The following PPM1H variants were observed in gnomAD, a reference collection of about 807,000 sequenced individuals.
The protein encoded by PPM1H is protein phosphatase, Mg2+/Mn2+ dependent 1H, also known as protein phosphatase 1H.
Under a neutral mutation model 54.9 loss-of-function variants are expected in PPM1H, and 27 were observed. That is an observed-to-expected ratio of 0.49 (90% confidence interval 0.36 to 0.68). PPM1H has a LOEUF of 0.68. Among genes scored for constraint, PPM1H ranks in the 30% least tolerant of loss-of-function variants. The pLI, the probability that PPM1H is intolerant of heterozygous loss-of-function variation, is 0.00. For synonymous variants in PPM1H, 305 were observed against 270.8 expected, an observed-to-expected ratio of 1.13 and a Z score of -1.24; for missense variants, 596 against 667.8, an observed-to-expected ratio of 0.89 and a Z score of 1.19.
At chr12:62,675,551 C>T (rs2075980712) in intron 8 of PPM1H, among the ~76,000 whole-genome samples, 1 of 152,296 alleles carries the variant, frequency 6.6e-6, no homozygotes, top group Non-Finnish European at 1.5e-5. Flanking sequence ...AACAGATGAA[C>T]CAAGTTGCCT....
At chr12:62,688,674 TC>T (rs1374093652) in intron 8 of PPM1H, among the ~76,000 whole-genome samples, 3 of 152,100 alleles carry the variant, frequency 2.0e-5, no homozygotes, top group Admixed American at 6.5e-5. Flanking sequence ...AGGTAATTAG[TC>T]TAACGAGGGG....
intron 1 of PPM1H, among the ~76,000 whole-genome samples, chr12:62,850,285 G>C (rs1804548281): frequency 6.6e-6 from 1 of 151,956 alleles, no homozygotes; most frequent in Non-Finnish European, 1.5e-5. Context: ...TTTTAAGTTA[G>C]CTTCAAATTC....
chr12:62,761,304 G>A (rs544334892), intron 4 of PPM1H, among the ~76,000 whole-genome samples: 1 of 152,312 alleles, frequency 6.6e-6, no homozygotes, highest in Admixed American at 6.5e-5. Context: ...TATTTGAGGA[G>A]GAAGGGGAAA....
At chr12:62,832,969 T>C (rs1471345631) in intron 1 of PPM1H, among the ~76,000 whole-genome samples, 1 of 152,218 alleles carries the variant, frequency 6.6e-6, no homozygotes, top group Non-Finnish European at 1.5e-5. Flanking sequence ...AATTACTACA[T>C]GTTTTAAGCA....
At chr12:62,723,805 G>A (rs1475153301) in intron 5 of PPM1H, among the ~76,000 whole-genome samples, 2 of 152,070 alleles carry the variant, frequency 1.3e-5, no homozygotes, top group Admixed American at 6.6e-5. Context: ...GAATCCAAAC[G>A]ACATTCCTGA....
chr12:62,717,425 T>A (rs2076241201), intron 6 of PPM1H, among the ~76,000 whole-genome samples: 1 of 152,010 alleles, frequency 6.6e-6, no homozygotes, highest in Admixed American at 6.6e-5. Context: ...TTGTGGACTG[T>A]TTATCTGCTT....
chr12:62,758,679 G>C (rs1360657272), intron 4 of PPM1H, among the ~76,000 whole-genome samples: 2 of 152,020 alleles, frequency 1.3e-5, no homozygotes, highest in East Asian at 3.9e-4. Flanking sequence ...GGAAAAAAAA[G>C]GAGCATCTAA....
At chr12:62,695,750 A>G (rs1349587935) in intron 6 of PPM1H, among the ~76,000 whole-genome samples, 1 of 152,170 alleles carries the variant, frequency 6.6e-6, no homozygotes, top group Non-Finnish European at 1.5e-5. Flanking sequence ...TCAATTAACT[A>G]CCATTCAAAA....
At chr12:62,685,688 A>G (rs1007487132) in intron 8 of PPM1H, among the ~76,000 whole-genome samples, 5 of 152,330 alleles carry the variant, frequency 3.3e-5, no homozygotes, top group Admixed American at 2.0e-4. Flanking sequence ...AACAGGAGGA[A>G]TAAGTTTTAG....
At chr12:62,874,904 G>A (rs149468866) in intron 1 of PPM1H, among the ~76,000 whole-genome samples, 1 of 152,136 alleles carries the variant, frequency 6.6e-6, no homozygotes, top group Non-Finnish European at 1.5e-5. Context: ...TCACCCTTGG[G>A]TTTCTATAAC....
At chr12:62,928,982 C>T (rs1872052734) in intron 1 of PPM1H, among the ~76,000 whole-genome samples, 2 of 152,126 alleles carry the variant, frequency 1.3e-5, no homozygotes, top group Admixed American at 1.3e-4. Context: ...GGTCTTGGGC[C>T]TTCAGGTACA....
At chr12:62,851,218 G>C (rs1213376750) in intron 1 of PPM1H, among the ~76,000 whole-genome samples, 1 of 152,148 alleles carries the variant, frequency 6.6e-6, no homozygotes, top group East Asian at 1.9e-4. Flanking sequence ...GTGAGGCAGA[G>C]GCAGCTTGTA....
intron 1 of PPM1H, among the ~76,000 whole-genome samples, chr12:62,932,628 C>CTTTTTGTTTTTTTTTTTTT: frequency 1.9e-5 from 1 of 54,012 alleles, no homozygotes; most frequent in Non-Finnish European, 3.2e-5. Context: ...TCCAAATGGG[C>CTTTTTGTTTTTTTTTTTTT]TTTTTTTTTT....
chr12:62,920,485 GTT>G (rs35100515), intron 1 of PPM1H, among the ~76,000 whole-genome samples: 2 of 136,648 alleles, frequency 1.5e-5, no homozygotes, highest in East Asian at 4.3e-4. Context: ...CCTGAATGAG[GTT>G]TTTTTTTTTT....
intron 2 of PPM1H, among the ~76,000 whole-genome samples, chr12:62,811,376 G>A (rs73130081): frequency 0.066 from 9,979 of 152,254 alleles, 441 homozygotes; most frequent in Middle Eastern, 0.12. Context: ...AGCCTGGAGG[G>A]ACACTGAGCA....
intron 6 of PPM1H, among the ~76,000 whole-genome samples, chr12:62,711,541 C>T (rs2076206782): frequency 6.6e-6 from 1 of 152,110 alleles, no homozygotes; most frequent in Non-Finnish European, 1.5e-5. Context: ...CTTGACATCC[C>T]CAAACTTCCC....
At chr12:62,791,407 A>G (rs921189793) in intron 3 of PPM1H, among the ~76,000 whole-genome samples, 1 of 152,114 alleles carries the variant, frequency 6.6e-6, no homozygotes, top group Non-Finnish European at 1.5e-5. Flanking sequence ...AAACCCTACT[A>G]AGGGGTTTGT....
intron 2 of PPM1H, among the ~76,000 whole-genome samples, chr12:62,805,046 C>T (rs1015114307): frequency 3.9e-5 from 6 of 152,084 alleles, no homozygotes; most frequent in Admixed American, 2.6e-4. Context: ...TATTAAAAAA[C>T]GGACAAAGGA....
intron 1 of PPM1H, among the ~76,000 whole-genome samples, chr12:62,837,959 T>C (rs1451012594): frequency 6.6e-6 from 1 of 152,166 alleles, no homozygotes; most frequent in Non-Finnish European, 1.5e-5. Context: ...CTCTGAGCCC[T>C]CTTCTCAAGC....
Sources: allele counts gnomAD v4.1 joint callset (sites outside exome capture counted in the v4.1 genomes callset), GRCh38; gene constraint gnomAD v4.1.1; transcripts MANE v1.5; gene names NCBI Gene and HGNC (gene_info 2026-07-23, HGNC 2026-07-21).